Variants in PTPRK observed in about 807,000 individuals in gnomAD.
PTPRK encodes the protein receptor-type tyrosine-protein phosphatase kappa.
Under a neutral mutation model 178.0 loss-of-function variants are expected in PTPRK, and 75 were observed. That is an observed-to-expected ratio of 0.42 (90% confidence interval 0.35 to 0.51). The LOEUF (loss-of-function observed/expected upper bound fraction) is 0.51. Among genes scored for constraint, PTPRK ranks in the 20% least tolerant of loss-of-function variants. The pLI is 0.02. For missense variants in PTPRK, 1,441 were observed against 1,797.8 expected (o/e 0.80, Z 3.59); for synonymous variants, 637 against 620.6 (o/e 1.03, Z -0.39).
intron 3 of PTPRK, among the ~76,000 whole-genome samples, chr6:128,282,735 A>G (rs1821865341): frequency 6.6e-6 from 1 of 152,204 alleles, no homozygotes; most frequent in African/African-American, 2.4e-5. Flanking sequence ...TACCCTATCC[A>G]GCCCTATCTA....
At chr6:128,084,711 T>C (rs1785445213) in intron 8 of PTPRK, among the ~76,000 whole-genome samples, 1 of 152,222 alleles carries the variant, frequency 6.6e-6, no homozygotes, top group South Asian at 2.1e-4. Flanking sequence ...TGTATTTTCC[T>C]TTTATATATT....
At chr6:128,334,727 C>A (rs928165793) in intron 2 of PTPRK, among the ~76,000 whole-genome samples, 1 of 152,168 alleles carries the variant, frequency 6.6e-6, no homozygotes, top group Non-Finnish European at 1.5e-5. Flanking sequence ...AAAGACACTT[C>A]ATGAAATATT....
chr6:128,142,010 CCT>C (rs1795838737), intron 7 of PTPRK, among the ~76,000 whole-genome samples: 1 of 151,900 alleles, frequency 6.6e-6, no homozygotes. Context: ...AACCAGCTCT[CCT>C]CTCTTACTCC....
At chr6:128,158,785 T>C (rs1798293183) in intron 7 of PTPRK, among the ~76,000 whole-genome samples, 1 of 151,908 alleles carries the variant, frequency 6.6e-6, no homozygotes, top group Non-Finnish European at 1.5e-5. Flanking sequence ...TTTCAAAACC[T>C]TCATCAAACA....
At chr6:128,128,451 G>A (rs993690131) in intron 7 of PTPRK, among the ~76,000 whole-genome samples, 7 of 152,222 alleles carry the variant, frequency 4.6e-5, no homozygotes, top group African/African-American at 1.4e-4. Context: ...CCTTCAAATG[G>A]ACACAGGTAC....
chr6:128,342,114 G>A (rs1584258443), intron 2 of PTPRK, among the ~76,000 whole-genome samples: 1 of 152,064 alleles, frequency 6.6e-6, no homozygotes, highest in African/African-American at 2.4e-5. Flanking sequence ...TTAGCTGGGT[G>A]TGGTGGCACA....
At chr6:128,212,945 G>T (rs1297113445) in intron 6 of PTPRK, among the ~76,000 whole-genome samples, 1 of 152,028 alleles carries the variant, frequency 6.6e-6, no homozygotes. Flanking sequence ...ATAGAAAAAA[G>T]TATTTGGCAT....
intron 7 of PTPRK, among the ~76,000 whole-genome samples, chr6:128,100,711 A>T (rs901478561): frequency 6.6e-6 from 1 of 151,930 alleles, no homozygotes; most frequent in African/African-American, 2.4e-5. Context: ...AATAAAAGGA[A>T]ATTCCTCTTG....
intron 15 of PTPRK, among the ~76,000 whole-genome samples, chr6:128,000,941 C>T (rs751485470): frequency 1.3e-5 from 2 of 151,862 alleles, no homozygotes; most frequent in Non-Finnish European, 2.9e-5. Context: ...TGATTGTGTC[C>T]CAATATAAAA....
chr6:128,014,453 T>TA (rs36014675), intron 13 of PTPRK, among the ~76,000 whole-genome samples: 140,480 of 151,074 alleles, frequency 0.93, 65,379 homozygotes, highest in East Asian at 1. Context: ...CCTTCATCTA[T>TA]AAAAAAAATT....
intron 6 of PTPRK, among the ~76,000 whole-genome samples, chr6:128,205,763 T>C (rs1442669951): frequency 9.4e-6 from 1 of 106,464 alleles, no homozygotes; most frequent in African/African-American, 4.0e-5. Flanking sequence ...ACAGTGAGAA[T>C]CTGCATCACA....
At chr6:128,081,737 T>C (rs1282533499) in intron 10 of PTPRK, among the ~76,000 whole-genome samples, 1 of 151,984 alleles carries the variant, frequency 6.6e-6, no homozygotes, top group Non-Finnish European at 1.5e-5. Context: ...AGAAAAAACA[T>C]TATATAAACT....
chr6:128,442,535 T>C (rs1313814314), intron 1 of PTPRK, among the ~76,000 whole-genome samples: 3 of 152,184 alleles, frequency 2.0e-5, no homozygotes, highest in Non-Finnish European at 2.9e-5. Context: ...AGCCCTCCTA[T>C]ATAGGAAACT....
At chr6:128,270,973 A>G (rs1041792665) in intron 3 of PTPRK, among the ~76,000 whole-genome samples, 4 of 152,080 alleles carry the variant, frequency 2.6e-5, no homozygotes, top group Non-Finnish European at 2.9e-5. Context: ...TTAAAAAGCT[A>G]TGATTCCGAC....
intron 7 of PTPRK, among the ~76,000 whole-genome samples, chr6:128,099,961 T>G (rs1437980149): frequency 2.0e-5 from 3 of 152,032 alleles, no homozygotes; most frequent in Admixed American, 6.6e-5. Flanking sequence ...TAAAAGGAGA[T>G]ATATGGCCTG....
intron 7 of PTPRK, among the ~76,000 whole-genome samples, chr6:128,138,152 C>T (rs2114496127): frequency 6.6e-6 from 1 of 152,034 alleles, no homozygotes; most frequent in South Asian, 2.1e-4. Context: ...GGAAATAATC[C>T]ACGTGTTCTT....
At chr6:128,456,992 T>C (rs1459909562) in intron 1 of PTPRK, among the ~76,000 whole-genome samples, 2 of 152,104 alleles carry the variant, frequency 1.3e-5, no homozygotes, top group African/African-American at 4.8e-5. Context: ...CCAAATCCTA[T>C]TTGGTCCTGC....
chr6:128,264,013 T>G (rs1244057314), intron 3 of PTPRK, among the ~76,000 whole-genome samples: 1 of 151,006 alleles, frequency 6.6e-6, no homozygotes, highest in Non-Finnish European at 1.5e-5. Flanking sequence ...TGAAGCAGAC[T>G]ACTACATCAA....
At chr6:128,163,053 T>A (rs1196238904) in intron 7 of PTPRK, among the ~76,000 whole-genome samples, 2 of 151,436 alleles carry the variant, frequency 1.3e-5, no homozygotes, top group African/African-American at 2.4e-5. Flanking sequence ...AATAAAATAC[T>A]TTTTTCCTAC....
Sources: allele counts gnomAD v4.1 joint callset (sites outside exome capture counted in the v4.1 genomes callset), GRCh38; gene constraint gnomAD v4.1.1; transcripts MANE v1.5; gene names NCBI Gene and HGNC (gene_info 2026-07-23, HGNC 2026-07-21).